The following NCOA6 variants were observed in gnomAD, a reference collection of about 807,000 sequenced individuals.
NCOA6 encodes the protein nuclear receptor coactivator 6.
In NCOA6, 49 loss-of-function variants were observed where a neutral mutation model predicts 171.4. The observed-to-expected ratio is 0.29, with a 90% confidence interval of 0.23 to 0.36. The LOEUF (loss-of-function observed/expected upper bound fraction) is 0.36. NCOA6 is among the 10% of genes least tolerant of loss of function. The pLI, the probability that NCOA6 is intolerant of heterozygous loss-of-function variation, is 1.00. For synonymous variants in NCOA6, 910 were observed against 927.5 expected, an observed-to-expected ratio of 0.98 and a Z score of 0.34; for missense variants, 2,248 against 2,554.5, an observed-to-expected ratio of 0.88 and a Z score of 2.59.
chr20:34,825,408 CCGA>C (rs933676757), intron 1 of NCOA6, 61 bp downstream of exon 1: 4 of 149,716 alleles, frequency 2.7e-5, no homozygotes, highest in Admixed American at 2.7e-4. Context: ...CGAAGCCAGC[CCGA>C]CAAGGACCGC....
chr20:34,764,183 G>A (rs1304768498), intron 5 of NCOA6, among the ~76,000 whole-genome samples: 1 of 151,598 alleles, frequency 6.6e-6, no homozygotes, highest in Non-Finnish European at 1.5e-5. Context: ...CGCCTCCCAG[G>A]TTCATGCCAT....
chr20:34,814,410 A>G (rs1187854422), intron 1 of NCOA6, among the ~76,000 whole-genome samples: 1 of 152,178 alleles, frequency 6.6e-6, no homozygotes, highest in African/African-American at 2.4e-5. Flanking sequence ...TAACCAGAGT[A>G]TTTTAGACTT....
intron 14 of NCOA6, among the ~76,000 whole-genome samples, chr20:34,716,032 C>T (rs960496630): frequency 1.3e-5 from 2 of 151,978 alleles, no homozygotes; most frequent in Non-Finnish European, 2.9e-5. Flanking sequence ...GTTTGGCCAA[C>T]ATGGCGAAAC....
Position 34,741,839 on chromosome 20 carries a change from C to T in NCOA6, c.4417G>A (p.Val1473Ile). 11 of 1,614,202 alleles carry T rather than the reference C, an allele frequency of 6.8e-6. No individual in the cohort carries two copies. Among genetic ancestry groups the T allele is most frequent in the Non-Finnish European group, 8.5e-6 (10 of 1,180,038 alleles). ...QPSDPNKLPS[V>I]EENKNLVSPA... ...GACACCAAATTTTTGTTCTCTTCGA[C>T]ACTGGGAAGTTTGTTAGGATCCGAA... The change falls in exon 11 of 15, where the codon GTC (valine) becomes ATC (isoleucine). Residue 1473 changes from valine (V) to isoleucine (I), a missense_variant. Coordinates refer to ENST00000359003, the MANE Select transcript of NCOA6 (RefSeq NM_014071.5).
intron 14 of NCOA6, among the ~76,000 whole-genome samples, chr20:34,715,594 T>C (rs927802678): frequency 6.6e-6 from 1 of 152,154 alleles, no homozygotes; most frequent in Non-Finnish European, 1.5e-5. Flanking sequence ...GTGGTGGCGA[T>C]GAAGCACACT....
Position 34,715,377 on chromosome 20 carries a change from A to G in NCOA6, c.6149-12T>C. On this transcript the variant is annotated splice_polypyrimidine_tract_variant and intron_variant, in intron 14 of 14. Transcript: ENST00000359003. Reference sequence around the variant, plus strand: ...CGCACTGGTTATGTCTGTGGGGGAAAGAAAGGACATGTTCAGTGGAAGTAA... The same window carrying G: ...CGCACTGGTTATGTCTGTGGGGGAAGGAAAGGACATGTTCAGTGGAAGTAA... The G allele has an allele frequency of 6.2e-7, 1 of 1,601,706 alleles. No individual in the cohort carries two copies. The highest frequency in any genetic ancestry group is 8.6e-7 in the Non-Finnish European group (1 of 1,168,710).
rs1425204562 is a variant in NCOA6, at chr20:34,779,814, G to C, written c.235+2307C>G. 2.0e-5 allele frequency among the ~76,000 whole-genome samples: 3 copies of C among 149,776 alleles called. No individual in the cohort carries two copies. The East Asian group carries it at 6.0e-4, about 30-fold the overall frequency. On this transcript the variant is annotated intron_variant, in intron 3 of 14. Transcript: ENST00000359003. ...ATTGAATGTTAACTTTTCCAGACAT[G>C]GAGTTCACTTGTTCTAATGTGGAAA...
Position 34,740,546 on chromosome 20 carries a change from T to C in NCOA6, c.5710A>G (p.Ser1904Gly), listed in dbSNP as rs767379188. The C allele has an allele frequency of 6.2e-7, 1 of 1,614,174 alleles. No individual in the cohort carries two copies. The highest frequency in any genetic ancestry group is 2.2e-5 in the East Asian group (1 of 44,880). ...VGPGTASAGP[S>G]LPGGALPTSV... ...GTGGGGAGAGCACCGCCAGGTAAGCTGGGTCCTGCTGAGGCAGTGCCCGGG... is the reference window on the plus strand; with the variant it reads ...GTGGGGAGAGCACCGCCAGGTAAGCCGGGTCCTGCTGAGGCAGTGCCCGGG... Residue 1904 changes from serine (S) to glycine (G), a missense_variant, in exon 11 of 15, where the codon AGC becomes GGC. Coordinates refer to ENST00000359003, the MANE Select transcript of NCOA6 (RefSeq NM_014071.5).
intron 2 of NCOA6, among the ~76,000 whole-genome samples, chr20:34,789,416 T>C (rs1346709082): frequency 6.6e-6 from 1 of 152,212 alleles, no homozygotes; most frequent in East Asian, 1.9e-4. Flanking sequence ...TATTTACAGG[T>C]ATCTTGATAT....
At chr20:34,817,361 ATAGT>A in intron 1 of NCOA6, among the ~76,000 whole-genome samples, 1 of 152,070 alleles carries the variant, frequency 6.6e-6, no homozygotes, top group Non-Finnish European at 1.5e-5. Context: ...ATTAACTGAT[ATAGT>A]TAATTTATTA....
chr20:34,751,777 T>G (rs1285089006), intron 8 of NCOA6, among the ~76,000 whole-genome samples: 1 of 152,216 alleles, frequency 6.6e-6, no homozygotes, highest in East Asian at 1.9e-4. Context: ...GTAGTGCTTA[T>G]TTATTTACTG....
chr20:34,788,927 T>C (rs1353252280), intron 2 of NCOA6, among the ~76,000 whole-genome samples: 1 of 151,986 alleles, frequency 6.6e-6, no homozygotes, highest in Non-Finnish European at 1.5e-5. Context: ...GTAACAAGAG[T>C]GAAACTCCGT....
chr20:34,756,951 C>G (rs907270773), intron 7 of NCOA6, among the ~76,000 whole-genome samples: 1 of 152,100 alleles, frequency 6.6e-6, no homozygotes, highest in Non-Finnish European at 1.5e-5. Flanking sequence ...AGTACAAGAT[C>G]AAGCAAAAAT....
chr20:34,770,732 C>T (rs1279845714), intron 4 of NCOA6, among the ~76,000 whole-genome samples: 1 of 151,450 alleles, frequency 6.6e-6, no homozygotes, highest in Non-Finnish European at 1.5e-5. Flanking sequence ...CGGGTTCAAG[C>T]GATTCTCCTA....
chr20:34,771,735 T>C (rs958946809), intron 4 of NCOA6, among the ~76,000 whole-genome samples: 3 of 152,230 alleles, frequency 2.0e-5, no homozygotes, highest in Non-Finnish European at 4.4e-5. Context: ...GCTCATGCGG[T>C]TTCCTCTGCC....
Position 34,758,712 on chromosome 20 carries a change from A to AATTAGAAAT in NCOA6, c.643+84_643+92dup. 2.0e-6 allele frequency: 3 copies of AATTAGAAAT among 1,499,902 alleles called. No individual in the cohort carries two copies. The South Asian group carries it at 3.7e-5, about 18-fold the overall frequency. The allele number at this position is 1,499,902 out of a possible 1,614,324, so 92.9% of individuals were successfully genotyped here. A position where few individuals can be genotyped will look rare whatever the true frequency, so the allele number is the denominator to read the frequency against. On this transcript the variant is annotated intron_variant, in intron 6 of 14. Transcript: ENST00000359003. ...AGAAGGTTGACATTGTGAGTTTGGA[A>AATTAGAAAT]ATTAGAAATTCAGCATCAGAGATAA...
At chr20:34,777,724 C>T (rs1478821133) in intron 3 of NCOA6, among the ~76,000 whole-genome samples, 1 of 152,090 alleles carries the variant, frequency 6.6e-6, no homozygotes, top group African/African-American at 2.4e-5. Context: ...AATAGAATTA[C>T]CACATGATGC....
chr20:34,742,173 A>G lies in NCOA6; in HGVS notation c.4083T>C (p.Asn1361=). The part of the protein sequence containing the change: ...APKLTLASQT[N]AALLQNVELP... ...ACTCCACATTCTGCAATAGGGCTGC[A>G]TTTGTCTGAGAGGCCAGAGTAAGTT... Residue 1361 remains asparagine (N), a synonymous_variant, in exon 11 of 15, where the codon AAT becomes AAC. Transcript: ENST00000359003. 1 of 1,614,180 alleles carries G rather than the reference A, an allele frequency of 6.2e-7. No homozygotes were observed. Among genetic ancestry groups the G allele is most frequent in the Non-Finnish European group, 8.5e-7 (1 of 1,180,032 alleles).
chr20:34,825,439 A>G (rs1268166590), intron 1 of NCOA6, 33 bp downstream of exon 1: 1 of 146,972 alleles, frequency 6.8e-6, no homozygotes, highest in African/African-American at 2.5e-5. Flanking sequence ...CGGCGGGCCC[A>G]CCCCTTACGG....
Sources: gnomAD v4.1 joint callset for allele counts (sites outside exome capture counted in the v4.1 genomes callset) on GRCh38, gnomAD v4.1.1 for gene constraint, MANE v1.5 for transcripts, NCBI Gene and HGNC (gene_info 2026-07-23, HGNC 2026-07-21) for gene names.